CDK5RAP1: variants seen among roughly 807,000 people sequenced by gnomAD.
CDK5RAP1 encodes mitochondrial tRNA methylthiotransferase CDK5RAP1.
A neutral mutation model predicts 64.5 loss-of-function variants in CDK5RAP1; 62 were observed. That is an observed-to-expected ratio of 0.96 (90% CI 0.78 to 1.19). CDK5RAP1 has a LOEUF of 1.19. CDK5RAP1 is among the 50% of genes most tolerant of loss of function. The probability of loss-of-function intolerance (pLI) is 0.00; values close to 1 mark genes in which losing one functional copy is unlikely to be tolerated. For synonymous variants in CDK5RAP1, 250 were observed against 261.9 expected (o/e 0.95, Z 0.44); for missense variants, 657 against 735.0 (o/e 0.89, Z 1.23).
At position 33,393,613 on chromosome 20, in the gene CDK5RAP1, G is replaced by A. The variant is rs78785860; in HGVS notation, c.443+419C>T. Among the ~76,000 whole-genome samples the A allele has an allele frequency of 7.4e-3, 1,127 of 152,136 alleles. 10 individuals are homozygous for A. The highest frequency in any genetic ancestry group is 0.026 in the African/African-American group (1,065 of 41,498). On this transcript the variant is annotated intron_variant, in intron 4 of 13. Transcript: ENST00000346416. Reference sequence around the variant, plus strand: ...AGAAACAAAGTGAGAAAGGAGGTACGTTCACCTCTGATGGGAGTCACCCAT... The same window carrying A: ...AGAAACAAAGTGAGAAAGGAGGTACATTCACCTCTGATGGGAGTCACCCAT...
At chr20:33,374,041 G>C in intron 9 of CDK5RAP1, 74 bp downstream of exon 9, 1 of 1,016,766 alleles carries the variant, frequency 9.8e-7, no homozygotes. Context: ...TAGGTTCTTG[G>C]CAACAAGGAC....
chr20:33,379,673 G>A lies in CDK5RAP1; in HGVS notation c.895C>T (p.Leu299Phe), dbSNP rs1281489985. The part of the protein sequence containing the change: ...LSEQGLKEVT[L>F]LGQNVNSFRD... The stretch of plus-strand genomic sequence containing the variant: ...AAACTATTAACATTCTGACCAAGAA[G>A]TGTCACTTCTTTCAGCCCCTAAACA... Residue 299 changes from leucine to phenylalanine, a missense_variant, in exon 8 of 14, where the codon CTT becomes TTT. By Grantham distance (22) the Leu-to-Phe change is conservative. Coordinates refer to ENST00000346416, the MANE Select transcript of CDK5RAP1 (RefSeq NM_016408.4). 6.2e-7 allele frequency: 1 copy of A among 1,613,784 alleles called. No individual in the cohort carries two copies. The highest frequency in any genetic ancestry group is 1.7e-5 in the Admixed American group (1 of 60,000).
At chr20:33,396,532 T>G (rs1988907020) in intron 2 of CDK5RAP1, among the ~76,000 whole-genome samples, 1 of 152,156 alleles carries the variant, frequency 6.6e-6, no homozygotes, top group African/African-American at 2.4e-5. Flanking sequence ...ACTCCTGGGC[T>G]CAAGCAATCC....
chr20:33,392,092 A>T, intron 5 of CDK5RAP1, 50 bp downstream of exon 5: 1 of 1,148,114 alleles, frequency 8.7e-7, no homozygotes, highest in Non-Finnish European at 1.3e-6. Context: ...AAATAAAGCC[A>T]CATAAAGTCC....
At chr20:33,363,295 T>C (rs762978368) in intron 12 of CDK5RAP1, among the ~76,000 whole-genome samples, 2 of 152,184 alleles carry the variant, frequency 1.3e-5, no homozygotes, top group Non-Finnish European at 1.5e-5. Flanking sequence ...AAATGCAACA[T>C]ATGATACTAA....
At chr20:33,385,857 T>C in intron 6 of CDK5RAP1, 87 bp from the exon 7 acceptor site, 6 of 1,291,840 alleles carry the variant, frequency 4.6e-6, no homozygotes, top group Non-Finnish European at 6.4e-6. Context: ...AATAGCATTA[T>C]TCTTTGGCTC....
At chr20:33,371,495 TA>T (rs1568689677) in intron 10 of CDK5RAP1, among the ~76,000 whole-genome samples, 1 of 151,934 alleles carries the variant, frequency 6.6e-6, no homozygotes. Flanking sequence ...CCATAAAAGT[TA>T]AAATAATTAG....
rs1389368120 is a variant in CDK5RAP1, at chr20:33,360,388, C to G, written c.1646G>C (p.Arg549Thr). The part of the protein sequence containing the change: ...EMEDVNNPGL[R>T]VRAQPGDYVL... Reference sequence around the variant, plus strand: ...ATAGTCCCCAGGCTGGGCTCTGACCCTGAGCCCAGGGTTATTGACATCCTC... The same window carrying G: ...ATAGTCCCCAGGCTGGGCTCTGACCGTGAGCCCAGGGTTATTGACATCCTC... Residue 549 changes from arginine to threonine, a missense_variant, in exon 13 of 14, where the codon AGG (arginine) becomes ACG (threonine). Arg to Thr is a moderately conservative substitution (Grantham distance 71, BLOSUM62 -1). Coordinates refer to ENST00000346416, the MANE Select transcript of CDK5RAP1 (RefSeq NM_016408.4). The G allele has an allele frequency of 6.2e-7, 1 of 1,614,040 alleles. No individual in the cohort carries two copies. Among genetic ancestry groups the G allele is most frequent in the South Asian group, 1.1e-5 (1 of 91,082 alleles).
chr20:33,377,073 C>T (rs1003543687), intron 8 of CDK5RAP1, among the ~76,000 whole-genome samples: 1 of 152,134 alleles, frequency 6.6e-6, no homozygotes, highest in South Asian at 2.1e-4. Context: ...CAGTAGCTCC[C>T]GCCTGTGATC....
chr20:33,379,833 G>T (rs1160565945), intron 7 of CDK5RAP1, 142 bp from the exon 8 acceptor site: 42 of 633,886 alleles, frequency 6.6e-5, no homozygotes, highest in Non-Finnish European at 9.6e-5. Context: ...ACCTATAAGT[G>T]TGTTGTGTCT....
chr20:33,396,848 A>T lies in CDK5RAP1; in HGVS notation c.217T>A (p.Ser73Thr). 1 of 1,614,116 alleles carries T rather than the reference A, an allele frequency of 6.2e-7. No individual in the cohort carries two copies. The highest frequency in any genetic ancestry group is 1.7e-5 in the Admixed American group (1 of 60,036). The change falls in exon 2 of 14, where the codon TCA becomes ACA. Residue 73 changes from serine (S) to threonine (T), a missense_variant. Physicochemically the swap from Ser to Thr is moderately conservative, Grantham distance 58 (BLOSUM62 1). Coordinates refer to ENST00000346416, the MANE Select transcript of CDK5RAP1 (RefSeq NM_016408.4). ...PTFQHFLKSA[S>T]APQEKLSSEV... Reference sequence around the variant, plus strand: ...GAAGACAGCTTCTCCTGAGGAGCTGAGGCACTTTTTAAAAAATGTTGAAAA... The same window carrying T: ...GAAGACAGCTTCTCCTGAGGAGCTGTGGCACTTTTTAAAAAATGTTGAAAA...
chr20:33,365,703 G>C (rs1452927029), intron 12 of CDK5RAP1, among the ~76,000 whole-genome samples: 1 of 151,706 alleles, frequency 6.6e-6, no homozygotes, highest in East Asian at 1.9e-4. Context: ...GTAACCTTAG[G>C]GAAGTTATGC....
intron 1 of CDK5RAP1, among the ~76,000 whole-genome samples, chr20:33,400,712 G>A (rs1186878979): frequency 6.6e-6 from 1 of 152,068 alleles, no homozygotes; most frequent in Non-Finnish European, 1.5e-5. Flanking sequence ...CTACCCAGGA[G>A]GCTGAGGCAG....
chr20:33,378,659 C>G (rs1189475874), intron 8 of CDK5RAP1, among the ~76,000 whole-genome samples: 1 of 152,142 alleles, frequency 6.6e-6, no homozygotes, highest in East Asian at 1.9e-4. Context: ...TTGTTAACCC[C>G]TTATTAACCC....
intron 2 of CDK5RAP1, among the ~76,000 whole-genome samples, chr20:33,395,901 C>T (rs764440734): frequency 6.6e-6 from 1 of 152,082 alleles, no homozygotes; most frequent in Non-Finnish European, 1.5e-5. Context: ...GTAATCCCAG[C>T]TACTCAGGAG....
intron 12 of CDK5RAP1, among the ~76,000 whole-genome samples, chr20:33,363,539 C>A (rs1235137263): frequency 6.6e-6 from 1 of 152,004 alleles, no homozygotes; most frequent in Admixed American, 6.6e-5. Flanking sequence ...AAAAAAAGTT[C>A]TTTATAATAC....
At chr20:33,389,860 A>C (rs1238061625) in intron 5 of CDK5RAP1, among the ~76,000 whole-genome samples, 1 of 152,246 alleles carries the variant, frequency 6.6e-6, no homozygotes, top group Non-Finnish European at 1.5e-5. Context: ...TTCTGTACTA[A>C]GAAAAATTCT....
intron 8 of CDK5RAP1, among the ~76,000 whole-genome samples, chr20:33,379,203 C>T (rs907426071): frequency 6.6e-6 from 1 of 152,152 alleles, no homozygotes; most frequent in African/African-American, 2.4e-5. Flanking sequence ...GTTGCCCAGG[C>T]TGGTTTCCAA....
chr20:33,373,985 T>C, intron 9 of CDK5RAP1, 130 bp downstream of exon 9: 1 of 708,564 alleles, frequency 1.4e-6, no homozygotes, highest in South Asian at 1.7e-5. Flanking sequence ...GGCTTAGTCA[T>C]ACAATAAATA....
Sources: allele counts gnomAD v4.1 joint callset (sites outside exome capture counted in the v4.1 genomes callset), GRCh38; gene constraint gnomAD v4.1.1; transcripts MANE v1.5; gene names NCBI Gene and HGNC (gene_info 2026-07-23, HGNC 2026-07-21).